Variants in ROBO1 observed in about 807,000 individuals in gnomAD.
ROBO1 encodes the protein roundabout guidance receptor 1, also known as roundabout homolog 1.
In ROBO1, 149 loss-of-function variants were observed where a neutral mutation model predicts 195.9. The ratio of observed to expected loss-of-function variants is 0.76; its 90% CI spans 0.67 to 0.87. The LOEUF is 0.87. ROBO1 is among the 40% of genes least tolerant of loss of function. The pLI is 0.00. For missense variants in ROBO1, 1,933 were observed against 2,068.3 expected (o/e 0.93, Z 1.27); for synonymous variants, 816 against 733.2 (o/e 1.11, Z -1.82).
At chr3:78,720,483 T>G (rs886500519) in intron 5 of ROBO1, among the ~76,000 whole-genome samples, 95 of 152,324 alleles carry the variant, frequency 6.2e-4, no homozygotes, top group African/African-American at 2.2e-3. Context: ...GGAACACTTT[T>G]ACACTGTTGG....
At chr3:78,844,234 A>C (rs1263965719) in intron 4 of ROBO1, among the ~76,000 whole-genome samples, 1 of 152,150 alleles carries the variant, frequency 6.6e-6, no homozygotes, top group Non-Finnish European at 1.5e-5. Flanking sequence ...TTTAGTTAGA[A>C]CTAAACTAAA....
chr3:79,124,521 T>C (rs188419415), intron 3 of ROBO1, among the ~76,000 whole-genome samples: 1 of 152,282 alleles, frequency 6.6e-6, no homozygotes. Context: ...ATCATCTATA[T>C]GATTGTTATG....
chr3:79,605,127 G>T (rs116764186), intron 1 of ROBO1, among the ~76,000 whole-genome samples: 1 of 151,866 alleles, frequency 6.6e-6, no homozygotes, highest in Non-Finnish European at 1.5e-5. Context: ...TGTCCGAAAT[G>T]TTCAACGCAG....
At chr3:78,894,056 T>A (rs953830403) in intron 4 of ROBO1, among the ~76,000 whole-genome samples, 1 of 152,220 alleles carries the variant, frequency 6.6e-6, no homozygotes, top group Non-Finnish European at 1.5e-5. Flanking sequence ...CTTAGCCGAA[T>A]CTCAATTTCC....
chr3:79,744,191 C>G (rs544950458), intron 1 of ROBO1, among the ~76,000 whole-genome samples: 1 of 152,066 alleles, frequency 6.6e-6, no homozygotes, highest in East Asian at 1.9e-4. Flanking sequence ...CTTCATTAAG[C>G]GATAGTTATT....
intron 3 of ROBO1, chr3:79,018,549 C>G: frequency 1.3e-6 from 2 of 1,579,734 alleles, no homozygotes; most frequent in Non-Finnish European, 1.7e-6. Flanking sequence ...ACACACCACA[C>G]ACAAAGGCTT....
intron 3 of ROBO1, among the ~76,000 whole-genome samples, chr3:79,093,855 A>G (rs1002236730): frequency 6.6e-6 from 1 of 152,128 alleles, no homozygotes; most frequent in African/African-American, 2.4e-5. Flanking sequence ...ACAGAAAAGA[A>G]CAAAGCAGAG....
chr3:79,332,220 A>G (rs921705541), intron 2 of ROBO1, among the ~76,000 whole-genome samples: 39 of 151,634 alleles, frequency 2.6e-4, no homozygotes, highest in Admixed American at 1.4e-3. Flanking sequence ...AAAAAATACC[A>G]TGCAGGTACT....
intron 2 of ROBO1, among the ~76,000 whole-genome samples, chr3:79,295,212 T>G (rs2032514582): frequency 6.6e-6 from 1 of 152,152 alleles, no homozygotes; most frequent in Admixed American, 6.5e-5. Context: ...TGCCCATCAA[T>G]GATAGATTGG....
intron 8 of ROBO1, among the ~76,000 whole-genome samples, chr3:78,689,569 G>A (rs17375110): frequency 0.26 from 38,684 of 151,260 alleles, 5,110 homozygotes; most frequent in African/African-American, 0.32. Flanking sequence ...CTTTGTGCTC[G>A]GAAAAATGTG....
At chr3:79,409,807 TAGA>T (rs1480399987) in intron 2 of ROBO1, among the ~76,000 whole-genome samples, 3 of 152,288 alleles carry the variant, frequency 2.0e-5, no homozygotes, top group Admixed American at 1.3e-4. Context: ...AGTCACCTCT[TAGA>T]AAGTCAATTC....
At chr3:78,675,543 A>G (rs779683449) in intron 10 of ROBO1, among the ~76,000 whole-genome samples, 1 of 152,040 alleles carries the variant, frequency 6.6e-6, no homozygotes, top group Non-Finnish European at 1.5e-5. Context: ...AGGGTCCTAC[A>G]CCCACGGAGT....
intron 1 of ROBO1, among the ~76,000 whole-genome samples, chr3:79,643,392 T>G (rs1945724711): frequency 6.6e-6 from 1 of 152,156 alleles, no homozygotes; most frequent in Non-Finnish European, 1.5e-5. Flanking sequence ...TCAATACTCC[T>G]TAATAAACTC....
intron 4 of ROBO1, among the ~76,000 whole-genome samples, chr3:78,769,618 GTTTT>G (rs34157314): frequency 6.0e-5 from 5 of 84,002 alleles, no homozygotes; most frequent in Admixed American, 1.3e-4. Flanking sequence ...GTGTACTTTG[GTTTT>G]TTTTTTTTTT....
intron 3 of ROBO1, among the ~76,000 whole-genome samples, chr3:78,953,174 T>C (rs919830165): frequency 1.3e-5 from 2 of 151,910 alleles, no homozygotes; most frequent in African/African-American, 2.4e-5. Context: ...CCAAATATCA[T>C]AGAAGCTAGA....
intron 5 of ROBO1, among the ~76,000 whole-genome samples, chr3:78,728,137 T>C (rs993860219): frequency 6.6e-6 from 1 of 152,176 alleles, no homozygotes; most frequent in Non-Finnish European, 1.5e-5. Context: ...TTTCCCAAAA[T>C]TTCTTACCTC....
chr3:79,653,524 T>G (rs1479803857), intron 1 of ROBO1, among the ~76,000 whole-genome samples: 2 of 151,990 alleles, frequency 1.3e-5, no homozygotes, highest in Non-Finnish European at 2.9e-5. Flanking sequence ...ACAGGATTAG[T>G]CAAAGAACCA....
intron 5 of ROBO1, among the ~76,000 whole-genome samples, chr3:78,729,914 T>C (rs1391646852): frequency 6.6e-6 from 1 of 152,246 alleles, no homozygotes; most frequent in African/African-American, 2.4e-5. Context: ...AGTGTCCTGC[T>C]GTTTTAAAGG....
chr3:79,449,457 TA>T (rs977886447), intron 2 of ROBO1, among the ~76,000 whole-genome samples: 2 of 148,122 alleles, frequency 1.4e-5, no homozygotes, highest in African/African-American at 2.5e-5. Flanking sequence ...AGGAGCTTAT[TA>T]AAAAAGAATA....
Sources: allele counts gnomAD v4.1 joint callset (sites outside exome capture counted in the v4.1 genomes callset), GRCh38; gene constraint gnomAD v4.1.1; transcripts MANE v1.5; gene names NCBI Gene and HGNC (gene_info 2026-07-23, HGNC 2026-07-21).